The following VAC14 variants were observed in gnomAD, a reference collection of about 807,000 sequenced individuals.
VAC14 encodes the protein VAC14 component of PIKFYVE complex.
VAC14 carries 47 observed loss-of-function variants against 85.3 expected under a neutral mutation model. That is an observed-to-expected ratio of 0.55 (90% CI 0.44 to 0.70). The LOEUF (loss-of-function observed/expected upper bound fraction) is 0.70, where lower values mean the gene tolerates loss of function less well. VAC14 is among the 30% of genes least tolerant of loss of function. The pLI is 0.00. For synonymous variants in VAC14, 447 were observed against 430.5 expected (o/e 1.04, Z -0.47); for missense variants, 861 against 1,004.3 (o/e 0.86, Z 1.93).
intron 1 of VAC14, among the ~76,000 whole-genome samples, chr16:70,800,013 T>C (rs1387932048): frequency 6.6e-6 from 1 of 152,216 alleles, no homozygotes; most frequent in Non-Finnish European, 1.5e-5. Flanking sequence ...CGCAGACTGG[T>C]ATTCTTCCAG....
chr16:70,716,589 T>TC (rs2054171696), intron 14 of VAC14: 1 of 152,184 alleles, frequency 6.6e-6, no homozygotes, highest in Admixed American at 6.5e-5. Context: ...GCCCATAAGG[T>TC]CCCTCCTGGC....
chr16:70,769,268 C>G (rs1444668542), intron 10 of VAC14: 1 of 160,638 alleles, frequency 6.2e-6, no homozygotes, highest in African/African-American at 2.4e-5. Context: ...TCCAGTCTGG[C>G]CACCACCCTG....
intron 10 of VAC14, 101 bp downstream of exon 10, chr16:70,772,008 G>C (rs762908344): frequency 2.3e-5 from 24 of 1,060,302 alleles, no homozygotes; most frequent in Middle Eastern, 5.9e-4. Flanking sequence ...CAGCAGCCGC[G>C]AGTAGAATTT....
intron 13 of VAC14, among the ~76,000 whole-genome samples, chr16:70,737,346 C>T (rs566475361): frequency 6.6e-6 from 1 of 152,280 alleles, no homozygotes; most frequent in South Asian, 2.1e-4. Flanking sequence ...GAGGCACAGC[C>T]CCCTGTAGAT....
At chr16:70,771,747 T>C (rs2033237272) in intron 10 of VAC14, 1 of 194,014 alleles carries the variant, frequency 5.2e-6, no homozygotes, top group Non-Finnish European at 1.1e-5. Flanking sequence ...GCCCAGATAA[T>C]TTTTTGTATT....
intron 13 of VAC14, among the ~76,000 whole-genome samples, chr16:70,740,603 G>A (rs1269500531): frequency 3.9e-5 from 6 of 152,148 alleles, no homozygotes; most frequent in East Asian, 1.9e-4. Flanking sequence ...CAGGACCTCC[G>A]CAGACTCCCC....
At chr16:70,776,640 G>A (rs2033532602) in intron 9 of VAC14, among the ~76,000 whole-genome samples, 1 of 152,080 alleles carries the variant, frequency 6.6e-6, no homozygotes. Context: ...ATATTGCCCA[G>A]GCTGGACTTA....
At chr16:70,774,607 G>C (rs1431815693) in intron 9 of VAC14, among the ~76,000 whole-genome samples, 1 of 152,078 alleles carries the variant, frequency 6.6e-6, no homozygotes, top group Non-Finnish European at 1.5e-5. Context: ...CAGCACTCAG[G>C]GCTGGAGCTT....
At chr16:70,733,279 T>C (rs1343351134) in intron 13 of VAC14, among the ~76,000 whole-genome samples, 2 of 152,176 alleles carry the variant, frequency 1.3e-5, no homozygotes, top group Admixed American at 1.3e-4. Flanking sequence ...GGTTCATCTA[T>C]GTTGTAGTAT....
chr16:70,744,524 T>C lies in VAC14; in HGVS notation c.1427A>G (p.Gln476Arg). ...LAEIASSPAG[Q>R]TDDPGPLDGP... Reference sequence around the variant, plus strand: ...ATCGAGGGGGCCTGGGTCATCCGTCTGGCCTGCGGGGGAGGAAGCGATTTC... The same window carrying C: ...ATCGAGGGGGCCTGGGTCATCCGTCCGGCCTGCGGGGGAGGAAGCGATTTC... The change falls in exon 13 of 19, where the codon CAG (glutamine) becomes CGG (arginine). Residue 476 changes from glutamine (Q) to arginine (R), a missense_variant. Coordinates refer to ENST00000261776, the MANE Select transcript of VAC14 (RefSeq NM_018052.5). 2 of 1,612,164 alleles carry C rather than the reference T, an allele frequency of 1.2e-6. No homozygotes were observed. Among genetic ancestry groups the C allele is most frequent in the East Asian group, 2.2e-5 (1 of 44,856 alleles).
chr16:70,790,602 A>T (rs1295606730), intron 1 of VAC14, among the ~76,000 whole-genome samples: 1 of 151,470 alleles, frequency 6.6e-6, no homozygotes, highest in African/African-American at 2.5e-5. Context: ...TGTCGGAGTG[A>T]CAGCCTGCAA....
intron 14 of VAC14, 125 bp from the exon 15 acceptor site, chr16:70,698,936 G>A (rs2053767583): frequency 1.1e-6 from 1 of 911,434 alleles, no homozygotes; most frequent in Non-Finnish European, 1.6e-6. Context: ...AGGCCAGTGT[G>A]GAGCCATGAC....
rs554189760 is a variant in VAC14 at position 70,733,820 on chromosome 16, CTTTTTG to C, written c.1529-2199_1529-2194del. Reference sequence around the variant, plus strand: ...ATAAATTACCTACTCTCAATCAGGTCTTTTTGTTTTTGTTTTTGTTTTTGAGACAGA... The same window carrying C: ...ATAAATTACCTACTCTCAATCAGGTCTTTTTGTTTTTGTTTTTGAGACAGA... On this transcript the variant is annotated intron_variant, in intron 13 of 18. Coordinates refer to ENST00000261776, the MANE Select transcript of VAC14 (RefSeq NM_018052.5). Among the ~76,000 whole-genome samples, 579 of 152,138 alleles carry C rather than the reference CTTTTTG, an allele frequency of 3.8e-3. 2 individuals are homozygous for C. Among genetic ancestry groups the C allele is most frequent in the South Asian group, 0.015 (70 of 4,818 alleles).
intron 17 of VAC14, among the ~76,000 whole-genome samples, chr16:70,694,574 G>A (rs3785425): frequency 0.064 from 9,693 of 152,270 alleles, 300 homozygotes; most frequent in East Asian, 0.093. Context: ...TCAGGCTGAT[G>A]GGCTTAGGCC....
chr16:70,722,546 G>A (rs929264320), intron 14 of VAC14, among the ~76,000 whole-genome samples: 21 of 152,322 alleles, frequency 1.4e-4, no homozygotes, highest in Admixed American at 3.9e-4. Context: ...AGAAGCGCAC[G>A]GGGCTGTCCA....
At chr16:70,786,090 G>T in intron 2 of VAC14, 125 bp downstream of exon 2, 1 of 1,478,254 alleles carries the variant, frequency 6.8e-7, no homozygotes, top group South Asian at 1.3e-5. Context: ...CTCAGGTGCG[G>T]ACAGAGTGGT....
At chr16:70,690,631 A>G (rs1296910705) in intron 18 of VAC14, 1 of 985,266 alleles carries the variant, frequency 1.0e-6, no homozygotes. Context: ...GGAGTGTACA[A>G]AACTCTCCCA....
intron 10 of VAC14, chr16:70,771,283 A>G (rs1184368581): frequency 6.6e-6 from 1 of 152,174 alleles, no homozygotes; most frequent in African/African-American, 2.4e-5. Flanking sequence ...AGACTGCGCC[A>G]TTACAGCTGA....
intron 6 of VAC14, 129 bp from the exon 7 acceptor site, chr16:70,783,268 T>G: frequency 9.1e-7 from 1 of 1,097,418 alleles, no homozygotes; most frequent in African/African-American, 1.6e-5. Flanking sequence ...TGTCAGGTGA[T>G]CATTTTCAGA....
Sources: gnomAD v4.1 joint callset for allele counts (sites outside exome capture counted in the v4.1 genomes callset) on GRCh38, gnomAD v4.1.1 for gene constraint, MANE v1.5 for transcripts, NCBI Gene and HGNC (gene_info 2026-07-23, HGNC 2026-07-21) for gene names.